The following LPP variants were observed in gnomAD, a reference collection of about 807,000 sequenced individuals.
LPP encodes lipoma-preferred partner.
In LPP, 38 loss-of-function variants were observed where a neutral mutation model predicts 60.4. That is an observed-to-expected ratio of 0.63 (90% CI 0.49 to 0.83). The LOEUF is 0.83. LPP is among the 40% of genes least tolerant of loss of function. LPP has a pLI of 0.00. For missense variants in LPP, 902 were observed against 783.6 expected (o/e 1.15, Z -1.80); for synonymous variants, 328 against 290.8 (o/e 1.13, Z -1.30).
Position 188,874,297 on chromosome 3 carries a change from A to C in LPP, c.1711-54A>C. The C allele has an allele frequency of 4.5e-6, 7 of 1,566,002 alleles. No individual in the cohort carries two copies. In the South Asian group the frequency reaches 6.9e-5, roughly 16 times the overall value. ...AAAGCTCAATCATGATGTTCTCCACATGTGTACTTAACGTTTTTACTTATG... is the reference window on the plus strand; with the variant it reads ...AAAGCTCAATCATGATGTTCTCCACCTGTGTACTTAACGTTTTTACTTATG... On this transcript the variant is annotated intron_variant, in intron 11 of 11. Transcript: ENST00000617246.
chr3:188,886,664 C>T lies in LPP; in HGVS notation c.*12185C>T, dbSNP rs1578138780. ...AACTAATAAAAATTTTCGTATTTCA[C>T]TTTACATAATATGTTCTCCCATATT... On this transcript the variant is annotated 3_prime_UTR_variant, in exon 12 of 12. Transcript: ENST00000617246. The T allele has an allele frequency of 9.2e-6, 2 of 217,088 alleles. No individual in the cohort carries two copies. Among genetic ancestry groups the T allele is most frequent in the East Asian group, 6.8e-5 (1 of 14,676 alleles). The allele number at this position is 217,088 out of a possible 1,614,324, so 13.4% of individuals were successfully genotyped here. A position where few individuals can be genotyped will look rare whatever the true frequency, so the allele number is the denominator to read the frequency against.
At chr3:188,196,651 A>G (rs2066002193) in intron 1 of LPP, among the ~76,000 whole-genome samples, 1 of 152,130 alleles carries the variant, frequency 6.6e-6, no homozygotes, top group Non-Finnish European at 1.5e-5. Flanking sequence ...TGTTCATGCT[A>G]TGTCCCTGTT....
intron 6 of LPP, among the ~76,000 whole-genome samples, chr3:188,571,441 A>G (rs938411): frequency 0.99 from 150,255 of 151,788 alleles, 74,382 homozygotes; most frequent in Middle Eastern, 1. Context: ...AAAAAAAAGA[A>G]CCCCTGAGGT....
chr3:188,752,435 C>T (rs573003488), intron 8 of LPP, among the ~76,000 whole-genome samples: 1 of 152,288 alleles, frequency 6.6e-6, no homozygotes, highest in East Asian at 1.9e-4. Flanking sequence ...ATCTGATTTT[C>T]TTTACACCAT....
intron 3 of LPP, among the ~76,000 whole-genome samples, chr3:188,399,344 TTG>T (rs1781697397): frequency 6.7e-6 from 1 of 149,680 alleles, no homozygotes; most frequent in African/African-American, 2.6e-5. Context: ...GTACTGACTT[TTG>T]TATAAAGAGA....
In LPP at chr3:188,664,549, A is replaced by G. The variant is rs6762566; in HGVS notation, c.1114-43718A>G. Reference sequence around the variant, plus strand: ...TTTAAAAATTATATTTACCCTTAGCATTTTCCTGAGTATTGTCTTTAGCTA... The same window carrying G: ...TTTAAAAATTATATTTACCCTTAGCGTTTTCCTGAGTATTGTCTTTAGCTA... On this transcript the variant is annotated intron_variant, in intron 7 of 11. Coordinates refer to ENST00000617246, the MANE Select transcript of LPP (RefSeq NM_001375462.1). 9.8e-3 allele frequency among the ~76,000 whole-genome samples: 1,477 copies of G among 151,382 alleles called. 31 individuals carry two copies. The highest frequency in any genetic ancestry group is 0.034 in the African/African-American group (1,418 of 41,214).
At chr3:188,292,559 T>A (rs899217336) in intron 2 of LPP, among the ~76,000 whole-genome samples, 2 of 152,210 alleles carry the variant, frequency 1.3e-5, no homozygotes, top group African/African-American at 2.4e-5. Context: ...CTATACTTGC[T>A]TGGGAGGTGG....
chr3:188,263,550 C>T (rs1241557698), intron 2 of LPP, among the ~76,000 whole-genome samples: 1 of 152,224 alleles, frequency 6.6e-6, no homozygotes, highest in African/African-American at 2.4e-5. Context: ...TGCAGCCAGG[C>T]TGCTCCAGCA....
intron 2 of LPP, among the ~76,000 whole-genome samples, chr3:188,240,331 T>G: frequency 6.7e-6 from 1 of 149,756 alleles, no homozygotes; most frequent in African/African-American, 2.5e-5. Flanking sequence ...GAGTCAGGAG[T>G]TTTGGGTAAG....
intron 9 of LPP, among the ~76,000 whole-genome samples, chr3:188,851,210 A>G (rs1762602738): frequency 6.6e-6 from 1 of 152,222 alleles, no homozygotes; most frequent in Admixed American, 6.5e-5. Flanking sequence ...AATAGCCCCA[A>G]AGGTTCTCCT....
chr3:188,269,477 A>G (rs545928753), intron 2 of LPP, among the ~76,000 whole-genome samples: 1 of 152,248 alleles, frequency 6.6e-6, no homozygotes, highest in Non-Finnish European at 1.5e-5. Context: ...TAATTGTTTT[A>G]AATTGAAATG....
intron 1 of LPP, among the ~76,000 whole-genome samples, chr3:188,204,484 C>A (rs922535803): frequency 6.6e-6 from 1 of 152,140 alleles, no homozygotes; most frequent in Admixed American, 6.5e-5. Flanking sequence ...TGGACACATT[C>A]TAAGTAACTT....
At chr3:188,811,351 T>TAC (rs58445393) in intron 9 of LPP, among the ~76,000 whole-genome samples, 10,858 of 144,868 alleles carry the variant, frequency 0.075, 421 homozygotes, top group Non-Finnish European at 0.089. Context: ...AAGTGCTGTA[T>TAC]ACACACACAC....
In LPP at chr3:188,874,524, A is replaced by G. The variant is rs1769018276; in HGVS notation, c.*45A>G. Reference sequence around the variant, plus strand: ...CGGCACTGAGAAGAACGAACACAAGAAAAAGATAAGAAATACTAGAGTAAA... The same window carrying G: ...CGGCACTGAGAAGAACGAACACAAGGAAAAGATAAGAAATACTAGAGTAAA... On this transcript the variant is annotated 3_prime_UTR_variant, in exon 12 of 12. Transcript: ENST00000617246. The G allele has an allele frequency of 1.3e-6, 2 of 1,597,510 alleles. No individual in the cohort carries two copies. The highest frequency in any genetic ancestry group is 1.7e-6 in the Non-Finnish European group (2 of 1,167,856).
At chr3:188,448,460 A>G (rs1795832530) in intron 4 of LPP, among the ~76,000 whole-genome samples, 1 of 151,950 alleles carries the variant, frequency 6.6e-6, no homozygotes, top group Non-Finnish European at 1.5e-5. Context: ...ATATTTAGAT[A>G]AAGATCTATA....
At chr3:188,859,590 T>A (rs1444169948) in intron 9 of LPP, among the ~76,000 whole-genome samples, 1 of 152,206 alleles carries the variant, frequency 6.6e-6, no homozygotes, top group East Asian at 1.9e-4. Flanking sequence ...TGTTGAACAC[T>A]TTGTTCCATT....
intron 5 of LPP, among the ~76,000 whole-genome samples, chr3:188,522,784 A>AATAT (rs61033243): frequency 0.094 from 11,772 of 124,680 alleles, 677 homozygotes; most frequent in East Asian, 0.31. Flanking sequence ...GATAATATGA[A>AATAT]ATATATATAT....
At chr3:188,351,176 T>C (rs551333015) in intron 3 of LPP, among the ~76,000 whole-genome samples, 1 of 152,328 alleles carries the variant, frequency 6.6e-6, no homozygotes, top group Non-Finnish European at 1.5e-5. Flanking sequence ...GCCCCAGACA[T>C]AGTGCTCAGT....
At chr3:188,231,034 A>G (rs1003732192) in intron 2 of LPP, among the ~76,000 whole-genome samples, 1 of 152,056 alleles carries the variant, frequency 6.6e-6, no homozygotes, top group Non-Finnish European at 1.5e-5. Flanking sequence ...GGCTCTCTAT[A>G]GGGCAGCTCA....
Sources: allele counts gnomAD v4.1 joint callset (sites outside exome capture counted in the v4.1 genomes callset), GRCh38; gene constraint gnomAD v4.1.1; transcripts MANE v1.5; gene names NCBI Gene and HGNC (gene_info 2026-07-23, HGNC 2026-07-21).